LCLAT1: variants seen among roughly 807,000 people sequenced by gnomAD.
LCLAT1 encodes the protein lysocardiolipin acyltransferase 1, also known as 1-AGP acyltransferase 8.
In LCLAT1, 11 loss-of-function variants were observed where a neutral mutation model predicts 30.7. The ratio of observed to expected loss-of-function variants is 0.36; its 90% CI spans 0.23 to 0.59. The LOEUF (loss-of-function observed/expected upper bound fraction) is 0.59, where lower values mean the gene tolerates loss of function less well. Ranked by LOEUF, LCLAT1 falls within the 20% of genes least tolerant of loss-of-function variation. The pLI is 0.77. For missense variants in LCLAT1, 402 were observed against 458.6 expected (o/e 0.88, Z 1.13); for synonymous variants, 155 against 151.3 (o/e 1.02, Z -0.18).
At chr2:30,561,587 A>C (rs1187933327) in intron 3 of LCLAT1, among the ~76,000 whole-genome samples, 1 of 151,710 alleles carries the variant, frequency 6.6e-6, no homozygotes. Context: ...CATAGTGTAC[A>C]CTCTGATTAA....
At chr2:30,631,010 T>C (rs559712044) in intron 5 of LCLAT1, among the ~76,000 whole-genome samples, 38 of 152,334 alleles carry the variant, frequency 2.5e-4, no homozygotes, top group African/African-American at 9.1e-4. Context: ...CTCCCACCAG[T>C]TGATACTGTA....
chr2:30,608,416 A>C (rs767322267), intron 5 of LCLAT1, among the ~76,000 whole-genome samples: 9 of 152,014 alleles, frequency 5.9e-5, no homozygotes, highest in Non-Finnish European at 1.2e-4. Context: ...TACAGTGTTT[A>C]TTAAAGTCTA....
intron 5 of LCLAT1, among the ~76,000 whole-genome samples, chr2:30,572,331 T>C (rs1665814630): frequency 2.0e-5 from 3 of 152,208 alleles, no homozygotes; most frequent in Admixed American, 2.0e-4. Flanking sequence ...ATCAAGTTCT[T>C]CTTATGTACC....
At position 30,501,025 on chromosome 2, in the gene LCLAT1, C is replaced by T. The variant is rs1287905999; in HGVS notation, c.-4-24562C>T. 3.3e-5 allele frequency among the ~76,000 whole-genome samples: 5 copies of T among 151,968 alleles called. No homozygotes were observed. The South Asian group carries it at 1.0e-3, about 32-fold the overall frequency. ...ACCCAACCACCTGCTGCCTGTTGAC[C>T]AACTCCTCTTCCTTACCACTCCCTA... On this transcript the variant is annotated intron_variant, in intron 1 of 5. Transcript: ENST00000379509.
At chr2:30,597,117 G>A (rs1235583020) in intron 5 of LCLAT1, among the ~76,000 whole-genome samples, 1 of 147,620 alleles carries the variant, frequency 6.8e-6, no homozygotes, top group East Asian at 2.0e-4. Flanking sequence ...GATTGTCTTG[G>A]CTATATGGGC....
At chr2:30,603,249 CAAG>C (rs1000635627) in intron 5 of LCLAT1, among the ~76,000 whole-genome samples, 1 of 151,632 alleles carries the variant, frequency 6.6e-6, no homozygotes, top group African/African-American at 2.4e-5. Context: ...AATAAATTAG[CAAG>C]AAATTATTCA....
chr2:30,604,779 T>C (rs1391751356), intron 5 of LCLAT1, among the ~76,000 whole-genome samples: 1 of 152,166 alleles, frequency 6.6e-6, no homozygotes, highest in Non-Finnish European at 1.5e-5. Context: ...TTTGAAGGAT[T>C]GTTATCCACA....
chr2:30,640,649 G>C lies in LCLAT1; in HGVS notation c.*30G>C. On this transcript the variant is annotated 3_prime_UTR_variant, in exon 6 of 6. Transcript: ENST00000379509. ...ATAAGGTTTGCCATGTGAAAACCTA[G>C]AGCATATTTTGGAAATGTTCTAAAC... The C allele has an allele frequency of 6.5e-7, 1 of 1,543,182 alleles. No homozygotes were observed. The highest frequency in any genetic ancestry group is 8.7e-7 in the Non-Finnish European group (1 of 1,150,348).
intron 5 of LCLAT1, among the ~76,000 whole-genome samples, chr2:30,613,433 A>C (rs1229988584): frequency 6.6e-6 from 1 of 152,154 alleles, no homozygotes; most frequent in Non-Finnish European, 1.5e-5. Context: ...GTGAGGTTGC[A>C]AAAAATGGCT....
intron 3 of LCLAT1, among the ~76,000 whole-genome samples, chr2:30,558,795 G>C (rs755380142): frequency 6.6e-6 from 1 of 152,078 alleles, no homozygotes; most frequent in Non-Finnish European, 1.5e-5. Context: ...TGAAGAACTG[G>C]TGCTATCTAC....
At chr2:30,600,537 G>C (rs1362026941) in intron 5 of LCLAT1, among the ~76,000 whole-genome samples, 4 of 152,158 alleles carry the variant, frequency 2.6e-5, no homozygotes, top group Non-Finnish European at 4.4e-5. Context: ...GAAAGACACA[G>C]AGATATGAAA....
chr2:30,498,536 G>T (rs758623624), intron 1 of LCLAT1, among the ~76,000 whole-genome samples: 1 of 152,160 alleles, frequency 6.6e-6, no homozygotes, highest in Non-Finnish European at 1.5e-5. Context: ...CTTATCTGGG[G>T]CCTGCAGTTT....
At chr2:30,447,730 C>T (rs1450161297) in intron 1 of LCLAT1, among the ~76,000 whole-genome samples, 1 of 152,204 alleles carries the variant, frequency 6.6e-6, no homozygotes. Flanking sequence ...AAACCTTCCT[C>T]CTGCGACCTC....
At chr2:30,565,006 A>T (rs753754358) in intron 4 of LCLAT1, among the ~76,000 whole-genome samples, 1 of 152,100 alleles carries the variant, frequency 6.6e-6, no homozygotes, top group Non-Finnish European at 1.5e-5. Context: ...ATTTTGGTCC[A>T]TTTCTTTTGA....
intron 1 of LCLAT1, among the ~76,000 whole-genome samples, chr2:30,496,706 T>C (rs921004865): frequency 2.0e-5 from 3 of 152,330 alleles, no homozygotes; most frequent in African/African-American, 4.8e-5. Flanking sequence ...TCTAGAGTTA[T>C]AAAGATATTA....
intron 5 of LCLAT1, among the ~76,000 whole-genome samples, chr2:30,618,415 T>G (rs927902294): frequency 3.3e-5 from 5 of 152,184 alleles, no homozygotes; most frequent in Non-Finnish European, 7.4e-5. Context: ...CCCATTTATA[T>G]GGGTCTTTCT....
chr2:30,464,559 C>T (rs829568), intron 1 of LCLAT1, among the ~76,000 whole-genome samples: 13,202 of 152,212 alleles, frequency 0.087, 616 homozygotes, highest in East Asian at 0.13. Flanking sequence ...AGAGAAAGAA[C>T]GCTCTGTTTT....
chr2:30,641,896 CTTT>C lies in LCLAT1; in HGVS notation c.*1286_*1288del, dbSNP rs1039418664. 1 of 83,396 alleles carries C rather than the reference CTTT, an allele frequency of 1.2e-5. No homozygotes were observed. The highest frequency in any genetic ancestry group is 2.5e-5 in the Non-Finnish European group (1 of 39,986). The allele number at this position is 83,396 out of a possible 1,614,324, so 5.2% of individuals were successfully genotyped here. On this transcript the variant is annotated 3_prime_UTR_variant, in exon 6 of 6. Transcript: ENST00000379509. ...CTGTTGGAGCTGCACACTTTTTTTT[CTTT>C]TTTTTTTTCTTTTTTTTTTTGTCGT... is the stretch of plus-strand genomic sequence containing the variant.
intron 3 of LCLAT1, among the ~76,000 whole-genome samples, chr2:30,558,712 C>T (rs1016945283): frequency 6.6e-6 from 1 of 151,660 alleles, no homozygotes; most frequent in Non-Finnish European, 1.5e-5. Context: ...GATTAAGTGT[C>T]GGGGAAAATA....
Sources: allele counts gnomAD v4.1 joint callset (sites outside exome capture counted in the v4.1 genomes callset), GRCh38; gene constraint gnomAD v4.1.1; transcripts MANE v1.5; gene names NCBI Gene and HGNC (gene_info 2026-07-23, HGNC 2026-07-21).